The following PRSS23 variants were observed in gnomAD, a reference collection of about 807,000 sequenced individuals.
The protein encoded by PRSS23 is serine protease 23, also known as protease, serine 23.
PRSS23 carries 25 observed loss-of-function variants against 34.7 expected under a neutral mutation model. The ratio of observed to expected loss-of-function variants is 0.72; its 90% CI spans 0.53 to 1.01. The LOEUF is 1.01. PRSS23 is among the 50% of genes least tolerant of loss of function. The pLI, the probability that PRSS23 is intolerant of heterozygous loss-of-function variation, is 0.00. For synonymous variants in PRSS23, 176 were observed against 186.6 expected (o/e 0.94, Z 0.46); for missense variants, 445 against 475.6 (o/e 0.94, Z 0.60).
intron 2 of PRSS23, among the ~76,000 whole-genome samples, chr11:86,852,431 A>G (rs1439913027): frequency 6.6e-6 from 1 of 152,198 alleles, no homozygotes; most frequent in Non-Finnish European, 1.5e-5. Flanking sequence ...TGTCCATTGA[A>G]GCTTTGGGGC....
intron 2 of PRSS23, chr11:86,837,254 T>G (rs925404768): frequency 1.3e-5 from 2 of 152,256 alleles, no homozygotes; most frequent in African/African-American, 4.8e-5. Flanking sequence ...GTTCCCTTGA[T>G]TTAGAACATT....
chr11:86,837,225 T>C (rs1948412940), intron 2 of PRSS23: 1 of 152,244 alleles, frequency 6.6e-6, no homozygotes, highest in African/African-American at 2.4e-5. Flanking sequence ...TATTATTTTA[T>C]TCTAATAGAT....
intron 2 of PRSS23, among the ~76,000 whole-genome samples, chr11:86,870,541 C>A (rs548178462): frequency 1.4e-4 from 21 of 152,274 alleles, no homozygotes; most frequent in African/African-American, 5.1e-4. Flanking sequence ...GTAACATTTA[C>A]TTTTTGTCAA....
At chr11:86,879,389 G>C (rs1286677886) in intron 2 of PRSS23, among the ~76,000 whole-genome samples, 3 of 151,306 alleles carry the variant, frequency 2.0e-5, no homozygotes, top group Non-Finnish European at 4.4e-5. Context: ...CCGCCCGGCA[G>C]CCACCCCGTC....
intron 1 of PRSS23, among the ~76,000 whole-genome samples, chr11:86,818,842 A>G (rs1445297738): frequency 6.6e-6 from 1 of 152,244 alleles, no homozygotes; most frequent in Admixed American, 6.5e-5. Context: ...ACAAACGCTT[A>G]GTGTTAATCA....
intron 2 of PRSS23, among the ~76,000 whole-genome samples, chr11:86,939,426 A>ATATATATATATATATATTT: frequency 2.1e-5 from 2 of 94,074 alleles, no homozygotes; most frequent in African/African-American, 6.6e-5. Flanking sequence ...ATATATATAT[A>ATATATATATATATATATTT]TTTTTTAACA....
intron 1 of PRSS23, 147 bp from the exon 2 acceptor site, chr11:86,807,484 T>C: frequency 1.3e-6 from 1 of 795,176 alleles, no homozygotes; most frequent in Non-Finnish European, 2.0e-6. Context: ...GTGAGACCGT[T>C]ATCTAAGGAT....
At chr11:86,914,058 A>C (rs1230651925) in intron 2 of PRSS23, among the ~76,000 whole-genome samples, 2 of 151,346 alleles carry the variant, frequency 1.3e-5, no homozygotes, top group South Asian at 2.1e-4. Flanking sequence ...AAAAAAAAAA[A>C]AAACCTCAAA....
chr11:86,829,715 C>T (rs1322252996), intron 2 of PRSS23, among the ~76,000 whole-genome samples: 1 of 152,144 alleles, frequency 6.6e-6, no homozygotes, highest in Non-Finnish European at 1.5e-5. Flanking sequence ...GAGACAGGAC[C>T]CTCAGCTGCA....
chr11:86,880,620 T>C (rs1216129693), intron 2 of PRSS23, among the ~76,000 whole-genome samples: 2 of 152,006 alleles, frequency 1.3e-5, no homozygotes, highest in East Asian at 3.9e-4. Flanking sequence ...CTGCATTAGG[T>C]ATTTGTCCTA....
upstream of PRSS23, among the ~76,000 whole-genome samples, chr11:86,799,747 G>A (rs1375180942): frequency 6.6e-6 from 1 of 151,862 alleles, no homozygotes; most frequent in Non-Finnish European, 1.5e-5. Context: ...GTGATTCAGG[G>A]AAGTAGGCCC....
At chr11:86,927,475 G>C (rs1949089271) in intron 2 of PRSS23, among the ~76,000 whole-genome samples, 1 of 152,090 alleles carries the variant, frequency 6.6e-6, no homozygotes, top group Non-Finnish European at 1.5e-5. Context: ...TGATAAGAAA[G>C]CAGAGCTAAG....
chr11:86,945,436 C>G (rs1391611804), intron 2 of PRSS23, among the ~76,000 whole-genome samples: 1 of 151,684 alleles, frequency 6.6e-6, no homozygotes, highest in Non-Finnish European at 1.5e-5. Context: ...CATCATGTGA[C>G]CTACTTGAGT....
At chr11:86,925,035 C>T (rs1217508698) in intron 2 of PRSS23, 1 of 152,202 alleles carries the variant, frequency 6.6e-6, no homozygotes, top group African/African-American at 2.4e-5. Context: ...CTACCTTTTC[C>T]GCGGTTAGCC....
At chr11:86,865,410 A>G (rs995054044) in intron 2 of PRSS23, among the ~76,000 whole-genome samples, 6 of 152,232 alleles carry the variant, frequency 3.9e-5, no homozygotes, top group African/African-American at 1.4e-4. Context: ...ATGAGGGGCT[A>G]TCATCACTGT....
Position 86,827,279 on chromosome 11 carries a change from G to A in PRSS23, c.206+3686G>A, listed in dbSNP as rs183720672. Among the ~76,000 whole-genome samples the A allele has an allele frequency of 7.5e-3, 1,149 of 152,218 alleles. 18 individuals carry two copies. Among genetic ancestry groups the A allele is most frequent in the African/African-American group, 0.026 (1,086 of 41,544 alleles). On this transcript the variant is annotated intron_variant, in intron 2 of 2. Coordinates refer to the PRSS23 transcript ENST00000533902. ...CTTCCAGATTTTCTAGTTTATTTGC[G>A]TAGAGATGTTTGTAGTATTCTCTGA... is the stretch of plus-strand genomic sequence containing the variant.
chr11:86,834,040 G>T (rs931188749), intron 2 of PRSS23, among the ~76,000 whole-genome samples: 4 of 152,204 alleles, frequency 2.6e-5, no homozygotes, highest in African/African-American at 4.8e-5. Context: ...AAGAACATTT[G>T]TAGTTTTACA....
At chr11:86,862,195 G>A (rs532672112) in intron 2 of PRSS23, among the ~76,000 whole-genome samples, 40 of 152,094 alleles carry the variant, frequency 2.6e-4, no homozygotes, top group African/African-American at 8.7e-4. Context: ...AATATTAGAA[G>A]TAATATCCTC....
chr11:86,875,729 A>G (rs1590906903), intron 2 of PRSS23, among the ~76,000 whole-genome samples: 2 of 152,192 alleles, frequency 1.3e-5, no homozygotes, highest in African/African-American at 4.8e-5. Flanking sequence ...AATCCCATCA[A>G]TTATTCTCTG....
Sources: allele counts gnomAD v4.1 joint callset (sites outside exome capture counted in the v4.1 genomes callset), GRCh38; gene constraint gnomAD v4.1.1; transcripts MANE v1.5; gene names NCBI Gene and HGNC (gene_info 2026-07-23, HGNC 2026-07-21).